The following RAVER1 variants were observed in gnomAD, a reference collection of about 807,000 sequenced individuals.
RAVER1 encodes the protein ribonucleoprotein, PTB binding 1.
Under a neutral mutation model 68.4 loss-of-function variants are expected in RAVER1, and 36 were observed. That is an observed-to-expected ratio of 0.53 (90% CI 0.40 to 0.70). The LOEUF (loss-of-function observed/expected upper bound fraction) is 0.70. Ranked by LOEUF, RAVER1 falls within the 30% of genes least tolerant of loss-of-function variation. The pLI, the probability that RAVER1 is intolerant of heterozygous loss-of-function variation, is 0.00. For synonymous variants in RAVER1, 469 were observed against 472.7 expected (o/e 0.99, Z 0.10); for missense variants, 933 against 1,019.8 (o/e 0.91, Z 1.16).
Position 10,316,417 on chromosome 19 carries a change from T to C in RAVER1, c.*1037A>G. 1 of 1,023,642 alleles carries C rather than the reference T, an allele frequency of 9.8e-7. No individual in the cohort carries two copies. The highest frequency in any genetic ancestry group is 1.2e-6 in the Non-Finnish European group (1 of 854,410). The allele number at this position is 1,023,642 out of a possible 1,614,324, so 63.4% of individuals were successfully genotyped here. On this transcript the variant is annotated 3_prime_UTR_variant, in exon 13 of 13. Transcript: ENST00000617231. The stretch of plus-strand genomic sequence containing the variant: ...TGCTGGTGGGCGGGCCCAGAGTTTA[T>C]CTTCATGGAGTGCTGGTTTCTGGCA...
rs2145068413 is a variant in RAVER1 at position 10,320,709 on chromosome 19, G to A, written c.1716C>T (p.Ala572=). Residue 572 remains alanine (A), a synonymous_variant, in exon 9 of 13, where the codon GCC becomes GCT. Coordinates refer to ENST00000617231, the MANE Select transcript of RAVER1 (RefSeq NM_133452.3). ...KSRLLSPLSS[A]RLPPEPGLSD... is the part of the protein sequence containing the mutation. ...ACAGTCCTGGTTCGGGGGGCAGGCG[G>A]GCGCTGCTGAGGGGGCTGAGCAGGC... The A allele has an allele frequency of 6.5e-7, 1 of 1,545,476 alleles. No homozygotes were observed. The highest frequency in any genetic ancestry group is 8.7e-7 in the Non-Finnish European group (1 of 1,153,366).
intron 1 of RAVER1, among the ~76,000 whole-genome samples, chr19:10,331,426 C>T (rs1483672538): frequency 1.4e-5 from 2 of 139,848 alleles, no homozygotes; most frequent in East Asian, 2.1e-4. Context: ...GCCGGGCTCA[C>T]GCCTGTAATT....
At position 10,328,786 on chromosome 19, in the gene RAVER1, G is replaced by T. The variant is rs202025795; in HGVS notation, c.612C>A (p.Tyr204Ter). The T allele has an allele frequency of 6.2e-7, 1 of 1,613,108 alleles. No individual in the cohort carries two copies. Among genetic ancestry groups the T allele is most frequent in the Admixed American group, 1.7e-5 (1 of 60,006 alleles). The change falls in exon 3 of 13, where the codon TAC becomes TAA. Residue 204 changes from tyrosine (Y) to a stop codon, truncating the protein, a stop_gained. Transcript: ENST00000617231. LOFTEE classifies it high-confidence loss of function. The surrounding 1 kb of genome is among the most constrained non-coding windows in gnomAD (Gnocchi z 4.4). ...GTTGCCCGGCATCCGTCCAGTGCAC[G>T]TAGAGGGTGCGTGGTCCCAGCGGCT... is the stretch of plus-strand genomic sequence containing the variant. The part of the protein sequence containing the change: ...LGKPLGPRTL[Y>*]VHWTDAGQLT...
chr19:10,322,725 G>C lies in RAVER1; in HGVS notation c.1093C>G (p.Pro365Ala). The change falls in exon 6 of 13, where the codon CCC (proline) becomes GCC (alanine). Residue 365 changes from proline to alanine, a missense_variant. Physicochemically the swap from Pro to Ala is conservative, Grantham distance 27 (BLOSUM62 -1). This residue lies in a region of RAVER1 where 699 missense variants were observed against 731.1 expected (regional missense o/e 0.96). Transcript: ENST00000617231. The surrounding 1 kb of genome is among the most constrained non-coding windows in gnomAD (Gnocchi z 4.3). Reference protein sequence around the residue: ...AGGKQGLLGAPPAMPLLNGPA... With the variant: ...AGGKQGLLGAAPAMPLLNGPA... Reference sequence around the variant, plus strand: ...CCATTGAGCAGCGGCATGGCTGGGGGGGCACCCAGGAGGCCTGGAGGGAGA... The same window carrying C: ...CCATTGAGCAGCGGCATGGCTGGGGCGGCACCCAGGAGGCCTGGAGGGAGA... 6.6e-7 allele frequency: 1 copy of C among 1,510,764 alleles called. No individual in the cohort carries two copies. Among genetic ancestry groups the C allele is most frequent in the Non-Finnish European group, 8.8e-7 (1 of 1,139,590 alleles). The allele number at this position is 1,510,764 out of a possible 1,614,324, so 93.6% of individuals were successfully genotyped here. A position where few individuals can be genotyped will look rare whatever the true frequency, so the allele number is the denominator to read the frequency against.
intron 2 of RAVER1, among the ~76,000 whole-genome samples, chr19:10,330,014 T>A (rs2040501799): frequency 1.3e-5 from 2 of 151,114 alleles, no homozygotes; most frequent in South Asian, 4.2e-4. Context: ...TCCCAGCTAC[T>A]CGGGAGGCTG....
chr19:10,324,232 G>A (rs188467814), intron 3 of RAVER1, among the ~76,000 whole-genome samples: 10 of 152,238 alleles, frequency 6.6e-5, no homozygotes, highest in Admixed American at 6.5e-4. Flanking sequence ...GGCCAAGCCA[G>A]GTAGCAGTGC....
In RAVER1 at chr19:10,318,335, C is replaced by G; in HGVS notation, c.1883G>C (p.Ser628Thr). 6.2e-7 allele frequency: 1 copy of G among 1,603,006 alleles called. No homozygotes were observed. Among genetic ancestry groups the G allele is most frequent in the Non-Finnish European group, 8.5e-7 (1 of 1,176,194 alleles). ...CAGGGGGCCCCCGCCACTCCCACCG[C>G]TGCTCCGTTCGCCGAAGCCACTGGG... ...PPPSGFGERSSGGSGGGPLSH... is the reference protein window; with the variant it reads ...PPPSGFGERSTGGSGGGPLSH... The change falls in exon 11 of 13, where the codon AGC becomes ACC. Residue 628 changes from serine to threonine, a missense_variant. This residue lies in a region of RAVER1 where 699 missense variants were observed against 731.1 expected (regional missense o/e 0.96). Transcript: ENST00000617231.
At chr19:10,320,255 G>C (rs1223719734) in intron 9 of RAVER1, among the ~76,000 whole-genome samples, 1 of 151,980 alleles carries the variant, frequency 6.6e-6, no homozygotes, top group Non-Finnish European at 1.5e-5. Flanking sequence ...TGTAATCCCA[G>C]TACTTTGGGA....
Position 10,328,897 on chromosome 19 carries a change from C to T in RAVER1, c.501G>A (p.Glu167=). The T allele has an allele frequency of 6.2e-7, 1 of 1,613,388 alleles. No homozygotes were observed. The highest frequency in any genetic ancestry group is 8.5e-7 in the Non-Finnish European group (1 of 1,179,840). The change falls in exon 3 of 13, where the codon GAG becomes GAA. Residue 167 remains glutamate, a synonymous_variant. Transcript: ENST00000617231. The surrounding 1 kb of genome is among the most constrained non-coding windows in gnomAD (Gnocchi z 4.4). ...SLERCFLVYS[E]RTGQSKGYGF... The stretch of plus-strand genomic sequence containing the variant: ...CATAGCCCTTGGATTGGCCAGTGCG[C>T]TCACTGTAGACCAGGAAGCAGCGCT...
chr19:10,332,591 G>A (rs761139998), intron 1 of RAVER1, among the ~76,000 whole-genome samples: 22 of 152,188 alleles, frequency 1.4e-4, no homozygotes, highest in Non-Finnish European at 2.9e-5. Flanking sequence ...CATAGGGCAG[G>A]GCAGTATAGA....
At chr19:10,325,509 G>A (rs62130696) in intron 3 of RAVER1, among the ~76,000 whole-genome samples, 3,271 of 151,866 alleles carry the variant, frequency 0.022, 46 homozygotes, top group Non-Finnish European at 0.03. Flanking sequence ...GATTACAGGC[G>A]TGAGCCACCG....
Position 10,320,757 on chromosome 19 carries a change from G to A in RAVER1, c.1668C>T (p.Ser556=). 6.7e-7 allele frequency: 1 copy of A among 1,481,964 alleles called. No individual in the cohort carries two copies. Among genetic ancestry groups the A allele is most frequent in the Non-Finnish European group, 8.9e-7 (1 of 1,121,314 alleles). 91.8% of individuals were successfully genotyped at this position (1,481,964 alleles called of 1,614,324 possible). ...PPAPGGGSSS[S]KAFQLKSRLL... ...GGCGGGACTTGAGCTGGAAGGCTTTGCTGCTGCTGCTGCCACCTCCAGGGG... is the reference window on the plus strand; with the variant it reads ...GGCGGGACTTGAGCTGGAAGGCTTTACTGCTGCTGCTGCCACCTCCAGGGG... The change falls in exon 9 of 13, where the codon AGC becomes AGT. Residue 556 remains serine, a synonymous_variant. Transcript: ENST00000617231.
At position 10,321,576 on chromosome 19, in the gene RAVER1, G is replaced by A; in HGVS notation, c.1216C>T (p.Pro406Ser). Reference protein sequence around the residue: ...LGDSPLGALQPGAQPANPLLG... With the variant: ...LGDSPLGALQSGAQPANPLLG... The stretch of plus-strand genomic sequence containing the variant: ...AGGGGGTTGGCTGGCTGGGCCCCAG[G>A]CTGGAGGGCGCCCAGGGGTGAGTCT... The change falls in exon 7 of 13, where the codon CCT becomes TCT. Residue 406 changes from proline (P) to serine (S), a missense_variant. Physicochemically the swap from Pro to Ser is moderately conservative, Grantham distance 74. Transcript: ENST00000617231. 2.9e-6 allele frequency: 4 copies of A among 1,385,310 alleles called. 1 individual carries two copies. In the South Asian group the frequency reaches 8.0e-5, roughly 28 times the overall value. The allele number at this position is 1,385,310 out of a possible 1,614,324, so 85.8% of individuals were successfully genotyped here. A position where few individuals can be genotyped will look rare whatever the true frequency, so the allele number is the denominator to read the frequency against.
In RAVER1 at chr19:10,322,354, C is replaced by G. The variant is rs2040444132; in HGVS notation, c.1173+291G>C. The stretch of plus-strand genomic sequence containing the variant: ...CAGCAGCGGCGCTCCCAGCCCACAC[C>G]CAGTTTCAGGCTGTAAATGGGCGTG... On this transcript the variant is annotated intron_variant, in intron 6 of 12. Transcript: ENST00000617231. This position sits in a 1 kb window ranked among gnomAD's most constrained non-coding sequence, Gnocchi z 4.3. 2.4e-6 allele frequency: 1 copy of G among 416,272 alleles called. No individual in the cohort carries two copies. Among genetic ancestry groups the G allele is most frequent in the Non-Finnish European group, 4.3e-6 (1 of 235,130 alleles). The allele number at this position is 416,272 out of a possible 1,614,324, so 25.8% of individuals were successfully genotyped here.
chr19:10,323,684 T>A lies in RAVER1; in HGVS notation c.757-118A>T. The A allele has an allele frequency of 9.9e-7, 1 of 1,005,674 alleles. No homozygotes were observed. The allele number at this position is 1,005,674 out of a possible 1,614,324, so 62.3% of individuals were successfully genotyped here. ...ATAAGGGTGAACTCCACGCCAGGCCTCCACTGCCCTGTGCCTCATTCCTGC... is the reference window on the plus strand; with the variant it reads ...ATAAGGGTGAACTCCACGCCAGGCCACCACTGCCCTGTGCCTCATTCCTGC... On this transcript the variant is annotated intron_variant, in intron 3 of 12. Transcript: ENST00000617231. This position sits in a 1 kb window ranked among gnomAD's most constrained non-coding sequence, Gnocchi z 6.2.
intron 1 of RAVER1, among the ~76,000 whole-genome samples, chr19:10,331,247 G>C (rs1410571348): frequency 6.6e-6 from 1 of 151,342 alleles, no homozygotes; most frequent in Non-Finnish European, 1.5e-5. Context: ...CTACTCGGGA[G>C]GCTGAGGCAG....
Position 10,323,495 on chromosome 19 carries a change from C to G in RAVER1, c.828G>C (p.Glu276Asp). The G allele has an allele frequency of 6.2e-7, 1 of 1,609,432 alleles. No individual in the cohort carries two copies. The highest frequency in any genetic ancestry group is 8.5e-7 in the Non-Finnish European group (1 of 1,179,678). ...GGCCGTCCGCCTGCTGCTGTGCCTC[C>G]TCCGCCATCTCAGCCGTCTCATACT... ...VLEYETAEMAEEAQQQADGLS... is the reference protein window; with the variant it reads ...VLEYETAEMADEAQQQADGLS... The change falls in exon 4 of 13, where the codon GAG becomes GAC. Residue 276 changes from glutamate (E) to aspartate (D), a missense_variant. By Grantham distance (45) the Glu-to-Asp change is conservative. Coordinates refer to ENST00000617231, the MANE Select transcript of RAVER1 (RefSeq NM_133452.3). This position sits in a 1 kb window ranked among gnomAD's most constrained non-coding sequence, Gnocchi z 6.2.
At position 10,322,809 on chromosome 19, in the gene RAVER1, C is replaced by T; in HGVS notation, c.1079-70G>A. On this transcript the variant is annotated intron_variant, in intron 5 of 12. Coordinates refer to ENST00000617231, the MANE Select transcript of RAVER1 (RefSeq NM_133452.3). This position sits in a 1 kb window ranked among gnomAD's most constrained non-coding sequence, Gnocchi z 4.3. The stretch of plus-strand genomic sequence containing the variant: ...CCTGCCCCACCTCACGAAACACAGC[C>T]CTGAACCCATTGATGGGGCAGGAAA... 1.1e-6 allele frequency: 1 copy of T among 947,980 alleles called. No homozygotes were observed. Among genetic ancestry groups the T allele is most frequent in the Non-Finnish European group, 1.5e-6 (1 of 666,344 alleles). 58.7% of individuals were successfully genotyped at this position (947,980 alleles called of 1,614,324 possible).
chr19:10,332,729 T>A (rs900173082), intron 1 of RAVER1, among the ~76,000 whole-genome samples: 2 of 152,142 alleles, frequency 1.3e-5, no homozygotes, highest in African/African-American at 4.8e-5. Flanking sequence ...TTCCTTCCTG[T>A]AGGTCTGTAG....
Sources: gnomAD v4.1 joint callset for allele counts (sites outside exome capture counted in the v4.1 genomes callset) on GRCh38, gnomAD v4.1.1 for gene constraint, gnomAD v4.1.1 regional missense constraint, Gnocchi (gnomAD v3.1) non-coding constraint, MANE v1.5 for transcripts, NCBI Gene and HGNC (gene_info 2026-07-23, HGNC 2026-07-21) for gene names.